PDE1C: variants seen among roughly 807,000 people sequenced by gnomAD.
PDE1C encodes the protein dual specificity calcium/calmodulin-dependent 3',5'-cyclic nucleotide phosphodiesterase 1C.
A neutral mutation model predicts 93.1 loss-of-function variants in PDE1C; 62 were observed. The ratio of observed to expected loss-of-function variants is 0.67; its 90% confidence interval spans 0.54 to 0.82. The LOEUF (loss-of-function observed/expected upper bound fraction) is 0.82, where lower values mean the gene tolerates loss of function less well. Among genes scored for constraint, PDE1C ranks in the 40% least tolerant of loss-of-function variants. The pLI is 0.00. For missense variants in PDE1C, 742 were observed against 884.6 expected, an observed-to-expected ratio of 0.84 and a Z score of 2.04; for synonymous variants, 325 against 310.1, an observed-to-expected ratio of 1.05 and a Z score of -0.50.
intron 1 of PDE1C, among the ~76,000 whole-genome samples, chr7:32,398,701 C>G (rs1784886663): frequency 6.6e-6 from 1 of 151,980 alleles, no homozygotes; most frequent in Non-Finnish European, 1.5e-5. Context: ...AACTGTGATC[C>G]TAGCTGAGGG....
intron 1 of PDE1C, among the ~76,000 whole-genome samples, chr7:32,326,552 G>A (rs1427884758): frequency 6.6e-6 from 1 of 152,034 alleles, no homozygotes; most frequent in Non-Finnish European, 1.5e-5. Flanking sequence ...TAAGTTTAAT[G>A]CCTAGGACCG....
exon 1 of PDE1C, chr7:32,298,789 C>G (rs1203963941): frequency 1.9e-6 from 3 of 1,539,212 alleles, no homozygotes; most frequent in Non-Finnish European, 2.6e-6. Flanking sequence ...GTCTGCGGTC[C>G]CCCCCACGGC....
chr7:31,844,923 C>T (rs1792363388), intron 9 of PDE1C, among the ~76,000 whole-genome samples: 1 of 152,060 alleles, frequency 6.6e-6, no homozygotes, highest in Non-Finnish European at 1.5e-5. Flanking sequence ...CTTCTTCTGT[C>T]TTCTCTATCA....
In PDE1C at chr7:32,255,721, C is replaced by T. The variant is rs572621711; in HGVS notation, c.85+42930G>A. Among the ~76,000 whole-genome samples, 11 of 152,266 alleles carry T rather than the reference C, an allele frequency of 7.2e-5. No individual in the cohort carries two copies. The South Asian group carries it at 2.3e-3, about 32-fold the overall frequency. On this transcript the variant is annotated intron_variant, in intron 1 of 18. Transcript: ENST00000396193. ...AAATACATAGAAGGAAGAGAAAGGACACCCCAAATAGAAAGAAAAGTACAG... is the reference window on the plus strand; with the variant it reads ...AAATACATAGAAGGAAGAGAAAGGATACCCCAAATAGAAAGAAAAGTACAG...
upstream of PDE1C, among the ~76,000 whole-genome samples, chr7:32,074,593 C>G (rs148199387): frequency 7.1e-3 from 1,075 of 152,270 alleles, 3 homozygotes; most frequent in Middle Eastern, 0.014. Flanking sequence ...CACGCAAAAA[C>G]TCTAGTAAAG....
intron 3 of PDE1C, among the ~76,000 whole-genome samples, chr7:32,081,561 G>A (rs1308363804): frequency 2.0e-5 from 3 of 152,166 alleles, no homozygotes; most frequent in African/African-American, 4.8e-5. Context: ...CAACCTATCA[G>A]AATCTAATCA....
At chr7:32,346,412 C>T (rs1562684531) in intron 1 of PDE1C, among the ~76,000 whole-genome samples, 1 of 152,156 alleles carries the variant, frequency 6.6e-6, no homozygotes, top group Non-Finnish European at 1.5e-5. Context: ...CTTCCCTGGC[C>T]CCAGCCAAGC....
intron 1 of PDE1C, among the ~76,000 whole-genome samples, chr7:32,382,673 G>A (rs745609456): frequency 6.6e-5 from 10 of 152,284 alleles, no homozygotes; most frequent in East Asian, 1.9e-4. Context: ...TTCACTACCC[G>A]TTCCTAAGTC....
At chr7:31,749,204 A>C (rs1379663202), downstream of PDE1C, among the ~76,000 whole-genome samples, 1 of 152,076 alleles carries the variant, frequency 6.6e-6, no homozygotes, top group Non-Finnish European at 1.5e-5. Context: ...AGCACCTATA[A>C]ATGAAAGTCA....
intron 1 of PDE1C, among the ~76,000 whole-genome samples, chr7:32,069,552 T>C (rs934512853): frequency 6.6e-6 from 1 of 152,100 alleles, no homozygotes; most frequent in Non-Finnish European, 1.5e-5. Context: ...AGTTCACTGA[T>C]GATGAAATAT....
chr7:32,392,440 T>C (rs1278976957), intron 1 of PDE1C, among the ~76,000 whole-genome samples: 3 of 152,208 alleles, frequency 2.0e-5, no homozygotes, highest in African/African-American at 7.2e-5. Flanking sequence ...TCCCAACTCA[T>C]TCTATGAGGT....
chr7:31,839,051 C>T lies in PDE1C; in HGVS notation c.981-1080G>A, dbSNP rs538035938. Among the ~76,000 whole-genome samples the T allele has an allele frequency of 5.3e-3, 781 of 147,560 alleles. 8 individuals carry two copies. The highest frequency in any genetic ancestry group is 0.016 in the African/African-American group (630 of 40,608). On this transcript the variant is annotated intron_variant, in intron 9 of 17. Coordinates refer to ENST00000396191, the MANE Select transcript of PDE1C (RefSeq NM_001191057.4). Reference sequence around the variant, plus strand: ...ATATTATATACACATATATTTCATACATATATACATATTTATTATATACAT... The same window carrying T: ...ATATTATATACACATATATTTCATATATATATACATATTTATTATATACAT...
chr7:32,405,921 A>C (rs1390254551), intron 1 of PDE1C, among the ~76,000 whole-genome samples: 1 of 152,208 alleles, frequency 6.6e-6, no homozygotes, highest in African/African-American at 2.4e-5. Context: ...CTGTGTATCC[A>C]TTAGATGAAC....
intron 1 of PDE1C, among the ~76,000 whole-genome samples, chr7:32,415,950 A>G (rs2128098722): frequency 6.6e-6 from 1 of 152,320 alleles, no homozygotes; most frequent in South Asian, 2.1e-4. Context: ...GAGAATTCTG[A>G]AAGGGGAGTG....
chr7:31,657,887 G>A, the PDE1C span, among the ~76,000 whole-genome samples: 1 of 152,090 alleles, frequency 6.6e-6, no homozygotes, highest in Non-Finnish European at 1.5e-5. Flanking sequence ...ATCACACTAA[G>A]TGATTATTTT....
At chr7:31,920,313 C>T (rs1802440418) in intron 2 of PDE1C, among the ~76,000 whole-genome samples, 1 of 149,268 alleles carries the variant, frequency 6.7e-6, no homozygotes, top group Non-Finnish European at 1.5e-5. Context: ...GACATCTTGT[C>T]TCTTTTTCCC....
At chr7:31,923,506 T>G (rs1802907868) in intron 2 of PDE1C, among the ~76,000 whole-genome samples, 1 of 152,202 alleles carries the variant, frequency 6.6e-6, no homozygotes, top group South Asian at 2.1e-4. Context: ...TAATCATGGT[T>G]AATGATTCTC....
In PDE1C at chr7:31,824,744, T is replaced by C. The variant is rs1789447342; in HGVS notation, c.1406+123A>G. On this transcript the variant is annotated intron_variant, in intron 13 of 17. Coordinates refer to ENST00000396191, the MANE Select transcript of PDE1C (RefSeq NM_001191057.4). ...GAGAAAAGGAAAGAGGCAGACAAAT[T>C]TTTCTGAGAAGGAGCTAAGGCAAAT... The C allele has an allele frequency of 3.1e-6, 4 of 1,271,484 alleles. No homozygotes were observed. The African/African-American group carries it at 4.5e-5, about 14-fold the overall frequency. The allele number at this position is 1,271,484 out of a possible 1,614,324, so 78.8% of individuals were successfully genotyped here.
chr7:32,002,637 A>G (rs1472518444), intron 2 of PDE1C, among the ~76,000 whole-genome samples: 1 of 152,210 alleles, frequency 6.6e-6, no homozygotes, highest in Non-Finnish European at 1.5e-5. Context: ...CCATAGCCAG[A>G]GAATAAACAC....
Sources: gnomAD v4.1 joint callset for allele counts (sites outside exome capture counted in the v4.1 genomes callset) on GRCh38, gnomAD v4.1.1 for gene constraint, MANE v1.5 for transcripts, NCBI Gene and HGNC (gene_info 2026-07-23, HGNC 2026-07-21) for gene names.